GRM8: variants seen among roughly 807,000 people sequenced by gnomAD.
GRM8 encodes the protein metabotropic glutamate receptor 8.
A neutral mutation model predicts 87.2 loss-of-function variants in GRM8; 47 were observed. That is an observed-to-expected ratio of 0.54 (90% confidence interval 0.43 to 0.69). The LOEUF (loss-of-function observed/expected upper bound fraction) is 0.69, where lower values mean the gene tolerates loss of function less well. Ranked by LOEUF, GRM8 falls within the 30% of genes least tolerant of loss-of-function variation. The pLI is 0.00. For missense variants in GRM8, 1,019 were observed against 1,139.2 expected, an observed-to-expected ratio of 0.89 and a Z score of 1.52; for synonymous variants, 396 against 404.5, an observed-to-expected ratio of 0.98 and a Z score of 0.25.
intron 3 of GRM8, among the ~76,000 whole-genome samples, chr7:126,910,772 G>T (rs1285444167): frequency 6.6e-6 from 1 of 152,156 alleles, no homozygotes; most frequent in Non-Finnish European, 1.5e-5. Context: ...CCTTTAGAAG[G>T]CTGAGACTTG....
chr7:126,519,957 G>A (rs1181369323), intron 9 of GRM8, among the ~76,000 whole-genome samples: 4 of 151,314 alleles, frequency 2.6e-5, no homozygotes, highest in East Asian at 2.0e-4. Context: ...AGAGAAGTCG[G>A]TGTCAACTTC....
chr7:126,826,987 G>T (rs549160745), intron 6 of GRM8, among the ~76,000 whole-genome samples: 15 of 152,256 alleles, frequency 9.9e-5, no homozygotes, highest in Admixed American at 3.3e-4. Flanking sequence ...TTCCCCCATT[G>T]CTTGTTTTTC....
intron 7 of GRM8, among the ~76,000 whole-genome samples, chr7:126,757,939 A>C (rs1156517048): frequency 6.6e-6 from 1 of 152,206 alleles, no homozygotes; most frequent in East Asian, 1.9e-4. Flanking sequence ...GGTTCTAATA[A>C]GAAATCAAGG....
chr7:127,122,991 T>C (rs1331387371), intron 2 of GRM8, among the ~76,000 whole-genome samples: 1 of 151,822 alleles, frequency 6.6e-6, no homozygotes, highest in East Asian at 1.9e-4. Context: ...GAGAAGAAGA[T>C]GGGAAAGAGG....
chr7:127,025,895 A>G (rs1422124176), intron 3 of GRM8, among the ~76,000 whole-genome samples: 1 of 152,128 alleles, frequency 6.6e-6, no homozygotes, highest in Admixed American at 6.5e-5. Flanking sequence ...GTACATGGGC[A>G]CAAGGTGAAG....
chr7:126,863,432 A>T (rs184191489), intron 6 of GRM8, among the ~76,000 whole-genome samples: 2 of 152,184 alleles, frequency 1.3e-5, no homozygotes, highest in Non-Finnish European at 2.9e-5. Flanking sequence ...GTTAAAGCTC[A>T]CAAACGCACA....
At chr7:126,979,332 T>C (rs909455012) in intron 3 of GRM8, among the ~76,000 whole-genome samples, 8 of 152,188 alleles carry the variant, frequency 5.3e-5, no homozygotes, top group African/African-American at 1.7e-4. Context: ...AAAACCACAG[T>C]ATAACATTTC....
intron 6 of GRM8, among the ~76,000 whole-genome samples, chr7:126,854,979 G>C (rs1797542453): frequency 6.6e-6 from 1 of 152,144 alleles, no homozygotes; most frequent in Admixed American, 6.5e-5. Flanking sequence ...GAATAGAAGT[G>C]GTGAAAGTGG....
At chr7:126,899,779 A>G (rs951802415) in intron 6 of GRM8, among the ~76,000 whole-genome samples, 11 of 150,612 alleles carry the variant, frequency 7.3e-5, no homozygotes, top group African/African-American at 2.7e-4. Context: ...GCCCTATCCT[A>G]AAGAAATCTC....
At chr7:126,922,093 T>A (rs1159130183) in intron 3 of GRM8, among the ~76,000 whole-genome samples, 2 of 152,206 alleles carry the variant, frequency 1.3e-5, no homozygotes, top group Non-Finnish European at 2.9e-5. Flanking sequence ...AAAGGATATG[T>A]ACAGTTCTGT....
chr7:127,133,624 C>G (rs1305947653), intron 2 of GRM8, among the ~76,000 whole-genome samples: 1 of 143,750 alleles, frequency 7.0e-6, no homozygotes, highest in East Asian at 2.1e-4. Context: ...GAGAATGGCA[C>G]GAACCCGGGA....
intron 6 of GRM8, among the ~76,000 whole-genome samples, chr7:126,811,969 T>A (rs1793341762): frequency 6.6e-6 from 1 of 151,788 alleles, no homozygotes; most frequent in Non-Finnish European, 1.5e-5. Flanking sequence ...GCAACGAAGA[T>A]TTTGAAGGGT....
chr7:126,474,005 A>T (rs753489727), intron 9 of GRM8, among the ~76,000 whole-genome samples: 1 of 152,068 alleles, frequency 6.6e-6, no homozygotes, highest in Non-Finnish European at 1.5e-5. Context: ...CCAGTCTCAG[A>T]TATTTCTTCA....
Position 127,015,262 on chromosome 7 carries a change from A to AAG in GRM8, c.727+91232_727+91233dup, listed in dbSNP as rs111707931. ...AGAAGAAGAAGAAGAAGAAGAAGAAAAGAGAGAGAGAGAGAGAGAGAGAAT... is the reference window on the plus strand; with the variant it reads ...AGAAGAAGAAGAAGAAGAAGAAGAAAAGAGAGAGAGAGAGAGAGAGAGAGAAT... On this transcript the variant is annotated intron_variant, in intron 3 of 10. Transcript: ENST00000339582. 4.9e-4 allele frequency among the ~76,000 whole-genome samples: 54 copies of AAG among 110,576 alleles called. 2 individuals are homozygous for AAG. The highest frequency in any genetic ancestry group is 1.4e-3 in the African/African-American group (42 of 29,594). 72.5% of individuals were successfully genotyped at this position (110,576 alleles called of 152,430 possible).
rs1051685049 is a variant in GRM8, at chr7:126,663,990, C to T, written c.1358-54492G>A. 1.2e-4 allele frequency among the ~76,000 whole-genome samples: 19 copies of T among 152,142 alleles called. 1 individual carries two copies. Among genetic ancestry groups the T allele is most frequent in the Non-Finnish European group, 1.9e-4 (13 of 68,028 alleles). ...TGGAGAAATCAGTAGCATTTCTATA[C>T]ACCAATAATGCTCAAGCTGAGAGCC... On this transcript the variant is annotated intron_variant, in intron 7 of 10. Coordinates refer to ENST00000339582, the MANE Select transcript of GRM8 (RefSeq NM_000845.3).
chr7:126,737,645 C>G (rs1356870121), intron 7 of GRM8, among the ~76,000 whole-genome samples: 1 of 151,994 alleles, frequency 6.6e-6, no homozygotes, highest in African/African-American at 2.4e-5. Context: ...TTTCCATTCC[C>G]TTCCTGAGCA....
Position 126,893,677 on chromosome 7 carries a change from A to G in GRM8, c.1156+8865T>C, listed in dbSNP as rs1215937499. Among the ~76,000 whole-genome samples, 6 of 152,142 alleles carry G rather than the reference A, an allele frequency of 3.9e-5. No homozygotes were observed. In the East Asian group the frequency reaches 7.7e-4, roughly 20 times the overall value. On this transcript the variant is annotated intron_variant, in intron 6 of 10. Coordinates refer to ENST00000339582, the MANE Select transcript of GRM8 (RefSeq NM_000845.3). The stretch of plus-strand genomic sequence containing the variant: ...ACTTACAAACTATTGTCTGACTATT[A>G]TCTTCCTCACAAAATATAAGCTCCT...
At chr7:126,645,984 C>A (rs1249552488) in intron 7 of GRM8, among the ~76,000 whole-genome samples, 2 of 152,114 alleles carry the variant, frequency 1.3e-5, no homozygotes, top group African/African-American at 2.4e-5. Context: ...TTTTCAAGGT[C>A]TTTTACTCAC....
chr7:126,743,911 A>C (rs2151517845), intron 7 of GRM8, among the ~76,000 whole-genome samples: 1 of 150,946 alleles, frequency 6.6e-6, no homozygotes, highest in Admixed American at 6.6e-5. Context: ...AAAAAAAAAT[A>C]AGAAAAAGAA....
Sources: gnomAD v4.1 joint callset for allele counts (sites outside exome capture counted in the v4.1 genomes callset) on GRCh38, gnomAD v4.1.1 for gene constraint, MANE v1.5 for transcripts, NCBI Gene and HGNC (gene_info 2026-07-23, HGNC 2026-07-21) for gene names.